Variants in IRAG2 observed in about 807,000 individuals in gnomAD.
IRAG2 encodes the protein lymphoid restricted membrane protein.
A neutral mutation model predicts 69.9 loss-of-function variants in IRAG2; 45 were observed. The ratio of observed to expected loss-of-function variants is 0.64; its 90% confidence interval spans 0.51 to 0.83. The LOEUF is 0.83. IRAG2 is among the 40% of genes least tolerant of loss of function. IRAG2 has a pLI of 0.00. For missense variants in IRAG2, 520 were observed against 587.0 expected (o/e 0.89, Z 1.18); for synonymous variants, 193 against 202.4 (o/e 0.95, Z 0.40).
intron 5 of IRAG2, among the ~76,000 whole-genome samples, chr12:25,066,851 C>T (rs755946115): frequency 2.0e-5 from 3 of 151,642 alleles, no homozygotes; most frequent in South Asian, 4.2e-4. Context: ...GGTTTTGCCA[C>T]GTTGGCCAGG....
chr12:25,107,717 G>A (rs1217253055), intron 21 of IRAG2, 100 bp from the exon 22 acceptor site: 4 of 1,134,750 alleles, frequency 3.5e-6, no homozygotes, highest in Non-Finnish European at 5.1e-6. Flanking sequence ...GCAGTTTTGG[G>A]GGTATGAAGG....
At chr12:25,097,082 C>CA (rs1326566591) in intron 15 of IRAG2, 38 bp downstream of exon 15, 1 of 1,547,734 alleles carries the variant, frequency 6.5e-7, no homozygotes, top group Admixed American at 2.2e-5. Context: ...AATGAAATTA[C>CA]AAAAAAGATT....
intron 2 of IRAG2, among the ~76,000 whole-genome samples, chr12:25,010,207 T>C (rs991521833): frequency 2.6e-4 from 40 of 152,188 alleles, no homozygotes; most frequent in African/African-American, 9.4e-4. Flanking sequence ...CTGGGTACAG[T>C]GACTCACACC....
At chr12:25,076,335 T>G (rs1006567913) in intron 6 of IRAG2, 1 of 819,064 alleles carries the variant, frequency 1.2e-6, no homozygotes, top group South Asian at 5.6e-5. Flanking sequence ...GTTTAATCAA[T>G]AAATATTTTG....
intron 15 of IRAG2, among the ~76,000 whole-genome samples, chr12:25,037,519 A>T (rs1311145219): frequency 6.6e-6 from 1 of 152,060 alleles, no homozygotes; most frequent in Non-Finnish European, 1.5e-5. Context: ...GGCTGATCTC[A>T]AACTCCTGAC....
At chr12:25,083,616 ATAATT>A (rs1398961464) in intron 10 of IRAG2, 123 bp downstream of exon 10, 11 of 595,170 alleles carry the variant, frequency 1.8e-5, no homozygotes, top group Non-Finnish European at 2.9e-5. Flanking sequence ...TGACGTTCAT[ATAATT>A]TAATTAATAT....
chr12:25,032,585 G>A (rs536300566), intron 12 of IRAG2, among the ~76,000 whole-genome samples: 62 of 152,308 alleles, frequency 4.1e-4, no homozygotes, highest in Non-Finnish European at 7.6e-4. Flanking sequence ...CATAGACTGT[G>A]TGGCTTCAAT....
intron 14 of IRAG2, among the ~76,000 whole-genome samples, chr12:25,091,459 C>T (rs1397825555): frequency 6.6e-6 from 1 of 152,154 alleles, no homozygotes; most frequent in African/African-American, 2.4e-5. Context: ...ATAAAATTCT[C>T]TTGTAGCTAT....
rs182829506 is a variant in IRAG2 at position 25,089,546 on chromosome 12, A to G, written c.374-68A>G. On this transcript the variant is annotated intron_variant, in intron 11 of 21. Transcript: ENST00000556887. ...TACTTTTGTTTAGTGGAGATATAAC[A>G]TTAGATCAAATGTGCTTTTACAGGT... 7.4e-5 allele frequency: 66 copies of G among 887,966 alleles called. No homozygotes were observed. In the East Asian group the frequency reaches 1.7e-3, roughly 23 times the overall value. The allele number at this position is 887,966 out of a possible 1,614,324, so 55.0% of individuals were successfully genotyped here.
upstream of IRAG2, among the ~76,000 whole-genome samples, chr12:25,051,419 C>T (rs962656): frequency 0.8 from 122,214 of 152,188 alleles, 50,239 homozygotes; most frequent in South Asian, 0.9. Flanking sequence ...GTCTTCCTTG[C>T]TGTTTTGCAA....
chr12:25,079,308 G>T lies in IRAG2; in HGVS notation c.71+18G>T. 1.2e-6 allele frequency: 2 copies of T among 1,612,982 alleles called. No homozygotes were observed. The highest frequency in any genetic ancestry group is 2.2e-5 in the South Asian group (2 of 91,044). Reference sequence around the variant, plus strand: ...CAGTCCAGGTTTGCTTGTTTGTGTTGTGTGTGTGAATTTGTATGCATATTT... The same window carrying T: ...CAGTCCAGGTTTGCTTGTTTGTGTTTTGTGTGTGAATTTGTATGCATATTT... On this transcript the variant is annotated intron_variant, in intron 7 of 21. Transcript: ENST00000556887.
upstream of IRAG2, among the ~76,000 whole-genome samples, chr12:25,051,363 A>G (rs892229159): frequency 1.3e-5 from 2 of 152,186 alleles, no homozygotes; most frequent in Non-Finnish European, 2.9e-5. Flanking sequence ...CATTCTGACT[A>G]AATGTTAACG....
At chr12:25,012,303 T>A (rs905345656) in intron 3 of IRAG2, among the ~76,000 whole-genome samples, 1 of 151,614 alleles carries the variant, frequency 6.6e-6, no homozygotes, top group Non-Finnish European at 1.5e-5. Context: ...CACAGGTGTG[T>A]GCCACCATGC....
chr12:25,102,300 T>C (rs1289673195), intron 17 of IRAG2, 59 bp downstream of exon 17: 7 of 1,388,566 alleles, frequency 5.0e-6, no homozygotes, highest in Non-Finnish European at 7.0e-6. Context: ...TTTTAAAATG[T>C]TATTTGAAGT....
upstream of IRAG2, among the ~76,000 whole-genome samples, chr12:25,051,591 A>T (rs1944873628): frequency 6.6e-6 from 1 of 152,218 alleles, no homozygotes; most frequent in East Asian, 1.9e-4. Flanking sequence ...ATTGGATCCA[A>T]ATGAGGTGTA....
At chr12:25,101,961 C>T (rs1334783616) in intron 16 of IRAG2, 3 of 668,510 alleles carry the variant, frequency 4.5e-6, no homozygotes, top group Non-Finnish European at 8.3e-6. Context: ...AGTGCCTACC[C>T]TGTGCTAGCT....
At chr12:25,035,932 T>C (rs1944699195) in intron 14 of IRAG2, 9 of 396,374 alleles carry the variant, frequency 2.3e-5, no homozygotes. Context: ...GCGAAGGTTT[T>C]TCTCAAACCT....
intron 4 of IRAG2, among the ~76,000 whole-genome samples, chr12:25,065,950 G>A (rs930288644): frequency 6.6e-5 from 10 of 152,088 alleles, no homozygotes; most frequent in Admixed American, 2.6e-4. Flanking sequence ...GATTACAGGC[G>A]TGAGCCACCA....
intron 9 of IRAG2, among the ~76,000 whole-genome samples, chr12:25,083,175 A>T (rs1338647138): frequency 2.6e-5 from 4 of 152,168 alleles, no homozygotes; most frequent in African/African-American, 9.7e-5. Context: ...AATGATTTTT[A>T]AAAAATCCTA....
Sources: allele counts gnomAD v4.1 joint callset (sites outside exome capture counted in the v4.1 genomes callset), GRCh38; gene constraint gnomAD v4.1.1; transcripts MANE v1.5; gene names NCBI Gene and HGNC (gene_info 2026-07-23, HGNC 2026-07-21).